Variants in PTDSS1 observed in about 807,000 individuals in gnomAD.
PTDSS1 encodes phosphatidylserine synthase 1, also known as PSS-1.
Under a neutral mutation model 70.5 loss-of-function variants are expected in PTDSS1, and 45 were observed. The observed-to-expected ratio is 0.64, with a 90% CI of 0.50 to 0.82. The LOEUF is 0.82. Among genes scored for constraint, PTDSS1 ranks in the 40% least tolerant of loss-of-function variants. The probability of loss-of-function intolerance (pLI) is 0.00; values close to 1 mark genes in which losing one functional copy is unlikely to be tolerated. For missense variants in PTDSS1, 417 were observed against 586.1 expected (o/e 0.71, Z 2.98); for synonymous variants, 188 against 203.8 (o/e 0.92, Z 0.66).
chr8:96,305,227 G>A (rs545340665), intron 7 of PTDSS1, among the ~76,000 whole-genome samples: 10 of 152,228 alleles, frequency 6.6e-5, no homozygotes, highest in Non-Finnish European at 1.0e-4. Context: ...GGTGGTATGC[G>A]ATGGAGCACA....
chr8:96,281,143 G>A (rs754182815), intron 2 of PTDSS1, among the ~76,000 whole-genome samples: 4 of 152,136 alleles, frequency 2.6e-5, no homozygotes, highest in Non-Finnish European at 4.4e-5. Flanking sequence ...TAAGTATCAG[G>A]ACTTATAATC....
intron 9 of PTDSS1, among the ~76,000 whole-genome samples, chr8:96,318,842 A>C (rs1485784750): frequency 6.7e-6 from 1 of 150,270 alleles, no homozygotes; most frequent in African/African-American, 2.4e-5. Flanking sequence ...TGATGATGGC[A>C]GTGACCACTA....
At chr8:96,311,219 A>G (rs1338509272) in intron 9 of PTDSS1, among the ~76,000 whole-genome samples, 1 of 152,216 alleles carries the variant, frequency 6.6e-6, no homozygotes, top group East Asian at 1.9e-4. Flanking sequence ...CATCCCATTT[A>G]GTGACTGAAA....
At chr8:96,309,767 C>CTATATA (rs1488354508) in intron 9 of PTDSS1, 145 bp downstream of exon 9, 1 of 587,128 alleles carries the variant, frequency 1.7e-6, no homozygotes, top group African/African-American at 1.9e-5. Context: ...ATATCTATAT[C>CTATATA]TATATATACA....
intron 2 of PTDSS1, 132 bp from the exon 3 acceptor site, chr8:96,283,977 G>GAAAA: frequency 3.7e-6 from 2 of 534,856 alleles, no homozygotes; most frequent in Non-Finnish European, 6.3e-6. Flanking sequence ...TGTTTATGTA[G>GAAAA]AAAAAAAAAA....
chr8:96,321,579 C>T (rs1024381982), intron 10 of PTDSS1, among the ~76,000 whole-genome samples: 4 of 152,246 alleles, frequency 2.6e-5, no homozygotes, highest in South Asian at 4.1e-4. Context: ...CTGATTTTAT[C>T]GTATCTTGTA....
intron 1 of PTDSS1, among the ~76,000 whole-genome samples, chr8:96,272,539 C>T (rs562128402): frequency 6.6e-5 from 10 of 152,244 alleles, no homozygotes; most frequent in African/African-American, 2.2e-4. Flanking sequence ...GATAGCTTGG[C>T]TTGGGGGAAC....
intron 7 of PTDSS1, among the ~76,000 whole-genome samples, chr8:96,305,928 G>A (rs568885653): frequency 2.6e-4 from 40 of 152,258 alleles, no homozygotes; most frequent in Admixed American, 9.1e-4. Context: ...CGATCTGCCC[G>A]CCTCGGGCTT....
chr8:96,266,816 A>G (rs949288550), intron 1 of PTDSS1, among the ~76,000 whole-genome samples: 7 of 152,162 alleles, frequency 4.6e-5, no homozygotes, highest in Non-Finnish European at 5.9e-5. Context: ...CAAATTTTTT[A>G]TTGAACTTAA....
chr8:96,268,313 G>C (rs1810515905), intron 1 of PTDSS1, among the ~76,000 whole-genome samples: 1 of 152,090 alleles, frequency 6.6e-6, no homozygotes, highest in Non-Finnish European at 1.5e-5. Flanking sequence ...CTTTTTATTG[G>C]GAGAGATGAT....
intron 1 of PTDSS1, among the ~76,000 whole-genome samples, chr8:96,271,442 T>C (rs149508764): frequency 6.6e-5 from 10 of 152,344 alleles, no homozygotes; most frequent in South Asian, 6.2e-4. Context: ...CTTTACTCGG[T>C]CTCTTTTTGG....
chr8:96,283,735 T>C (rs770610208), intron 2 of PTDSS1: 9 of 189,020 alleles, frequency 4.8e-5, no homozygotes, highest in Non-Finnish European at 8.7e-5. Flanking sequence ...CTGGAGCTCC[T>C]GGGCAGCTGG....
At chr8:96,320,180 T>C in intron 9 of PTDSS1, 66 bp from the exon 10 acceptor site, 1 of 1,359,220 alleles carries the variant, frequency 7.4e-7, no homozygotes, top group Non-Finnish European at 1.0e-6. Flanking sequence ...ATCATGCATA[T>C]TTTGGATAAA....
At chr8:96,320,490 GC>G in intron 10 of PTDSS1, 145 bp downstream of exon 10, 1 of 723,870 alleles carries the variant, frequency 1.4e-6, no homozygotes, top group Non-Finnish European at 2.3e-6. Context: ...TCTGAGACTG[GC>G]CACCAGCCTA....
intron 1 of PTDSS1, among the ~76,000 whole-genome samples, chr8:96,270,308 A>G (rs141322749): frequency 1.3e-3 from 194 of 152,184 alleles, no homozygotes; most frequent in African/African-American, 4.5e-3. Flanking sequence ...GGGTCCACTC[A>G]TGTGGACTCT....
chr8:96,267,805 AC>A (rs1810509421), intron 1 of PTDSS1, among the ~76,000 whole-genome samples: 1 of 151,668 alleles, frequency 6.6e-6, no homozygotes, highest in African/African-American at 2.4e-5. Context: ...AACACCCAAC[AC>A]CCAGCAGGCC....
At position 96,334,006 on chromosome 8, in the gene PTDSS1, T is replaced by A; in HGVS notation, c.*440T>A. ...TGAATCTACCTTTCCATTGATTGAT[T>A]TAAGTTCAGGCCACTTTTCTGTCTT... On this transcript the variant is annotated 3_prime_UTR_variant, in exon 13 of 13. Coordinates refer to ENST00000517309, the MANE Select transcript of PTDSS1 (RefSeq NM_014754.3). The A allele has an allele frequency of 2.3e-6, 1 of 443,594 alleles. No individual in the cohort carries two copies. The highest frequency in any genetic ancestry group is 5.9e-5 in the South Asian group (1 of 16,954). 27.5% of individuals were successfully genotyped at this position (443,594 alleles called of 1,614,324 possible).
chr8:96,309,627 G>C lies in PTDSS1; in HGVS notation c.1073+5G>C, dbSNP rs1191266846. 1 of 1,613,778 alleles carries C rather than the reference G, an allele frequency of 6.2e-7. No homozygotes were observed. Among genetic ancestry groups the C allele is most frequent in the African/African-American group, 1.3e-5 (1 of 74,894 alleles). On this transcript the variant is annotated splice_donor_5th_base_variant and intron_variant, in intron 9 of 12. Transcript: ENST00000517309. ...AACACAATGCTGGGTGTTTGGGTGA[G>C]TAATCTGTTATTGTGGAGATTTAAA...
chr8:96,277,879 G>A (rs1810671529), intron 2 of PTDSS1, among the ~76,000 whole-genome samples: 1 of 152,248 alleles, frequency 6.6e-6, no homozygotes, highest in South Asian at 2.1e-4. Context: ...TTGACTGCAA[G>A]TGATAGAAAA....
Sources: allele counts gnomAD v4.1 joint callset (sites outside exome capture counted in the v4.1 genomes callset), GRCh38; gene constraint gnomAD v4.1.1; transcripts MANE v1.5; gene names NCBI Gene and HGNC (gene_info 2026-07-23, HGNC 2026-07-21).